DOK5: variants seen among roughly 807,000 people sequenced by gnomAD.
DOK5 encodes downstream of tyrosine kinase 5.
A neutral mutation model predicts 43.3 loss-of-function variants in DOK5; 27 were observed. The ratio of observed to expected loss-of-function variants is 0.62; its 90% CI spans 0.46 to 0.86. The LOEUF is 0.86. DOK5 is among the 40% of genes least tolerant of loss of function. DOK5 has a pLI of 0.00. For missense variants in DOK5, 373 were observed against 392.9 expected, an observed-to-expected ratio of 0.95 and a Z score of 0.43; for synonymous variants, 146 against 140.1, an observed-to-expected ratio of 1.04 and a Z score of -0.30.
chr20:54,586,387 A>G (rs1985803661), intron 2 of DOK5, among the ~76,000 whole-genome samples: 1 of 152,194 alleles, frequency 6.6e-6, no homozygotes, highest in South Asian at 2.1e-4. Flanking sequence ...TCCCTGGAGA[A>G]AAGAAGCAGG....
At position 54,643,587 on chromosome 20, in the gene DOK5, G is replaced by C. The variant is rs1261485886; in HGVS notation, c.856+9G>C. ...GCTCTACCGCTTGCAAGGTAAGCGT[G>C]GGGCTACCTGTGTCCAGGGTGTGGG... On this transcript the variant is annotated intron_variant, in intron 7 of 7. Transcript: ENST00000262593. The C allele has an allele frequency of 6.2e-7, 1 of 1,610,670 alleles. No homozygotes were observed.
intron 1 of DOK5, among the ~76,000 whole-genome samples, chr20:54,522,665 G>A (rs1203474299): frequency 3.3e-5 from 5 of 151,538 alleles, no homozygotes; most frequent in Non-Finnish European, 7.4e-5. Context: ...GATTACAGGC[G>A]TCCACTACCT....
intron 6 of DOK5, among the ~76,000 whole-genome samples, chr20:54,626,430 A>T (rs1461053256): frequency 1.3e-5 from 2 of 152,166 alleles, no homozygotes; most frequent in East Asian, 3.8e-4. Flanking sequence ...GGAGATAGGG[A>T]CTGGTTTTTG....
intron 2 of DOK5, among the ~76,000 whole-genome samples, chr20:54,578,705 TA>T (rs1410645959): frequency 6.6e-6 from 1 of 152,256 alleles, no homozygotes; most frequent in Non-Finnish European, 1.5e-5. Context: ...TTAGAAAATT[TA>T]TAATTGTGTC....
chr20:54,572,074 T>TAAAG (rs909615719), intron 2 of DOK5, among the ~76,000 whole-genome samples: 3 of 152,216 alleles, frequency 2.0e-5, no homozygotes, highest in African/African-American at 7.2e-5. Context: ...GGTGGTTTAG[T>TAAAG]AAAGAGTTGT....
intron 1 of DOK5, among the ~76,000 whole-genome samples, chr20:54,480,926 A>ATCTATCATCTATCT (rs1981646918): frequency 8.0e-6 from 1 of 124,706 alleles, no homozygotes; most frequent in African/African-American, 3.4e-5. Flanking sequence ...TCTATCTATC[A>ATCTATCATCTATCT]ATCATCTATC....
chr20:54,503,457 G>A (rs965803383), intron 1 of DOK5, among the ~76,000 whole-genome samples: 1 of 151,798 alleles, frequency 6.6e-6, no homozygotes, highest in African/African-American at 2.4e-5. Context: ...TTTTATTCTT[G>A]ATTTTTTTTA....
Position 54,591,666 on chromosome 20 carries a change from G to A in DOK5, c.460G>A (p.Glu154Lys), listed in dbSNP as rs765612921. 6.2e-6 allele frequency: 10 copies of A among 1,613,368 alleles called. No individual in the cohort carries two copies. The highest frequency in any genetic ancestry group is 3.3e-5 in the South Asian group (3 of 90,924). The change falls in exon 5 of 8, where the codon GAA becomes AAA. Residue 154 changes from glutamate to lysine, a missense_variant. Transcript: ENST00000262593. ...MPSPNLDVHGECALQITYEYI... is the reference protein window; with the variant it reads ...MPSPNLDVHGKCALQITYEYI... ...ATCTCCTAACTTAGATGTACATGGC[G>A]AATGTGCCTTGCAGATTACATATGA...
chr20:54,512,691 AAG>A lies in DOK5; in HGVS notation c.66+36681_66+36682del, dbSNP rs1179014598. 2.0e-5 allele frequency among the ~76,000 whole-genome samples: 3 copies of A among 152,212 alleles called. No individual in the cohort carries two copies. The East Asian group carries it at 5.8e-4, about 29-fold the overall frequency. ...TTATGAAAACACTTTTTGTTAAAAA[AAG>A]AAATTTGCTATGAAGGATAAACTCC... On this transcript the variant is annotated intron_variant, in intron 1 of 7. Coordinates refer to ENST00000262593, the MANE Select transcript of DOK5 (RefSeq NM_018431.5).
chr20:54,532,896 G>C (rs1983827792), intron 1 of DOK5, among the ~76,000 whole-genome samples: 1 of 152,138 alleles, frequency 6.6e-6, no homozygotes, highest in African/African-American at 2.4e-5. Flanking sequence ...ATCCTCCTGG[G>C]ACAACTGGTA....
intron 2 of DOK5, among the ~76,000 whole-genome samples, chr20:54,580,039 T>C (rs1985586712): frequency 6.6e-6 from 1 of 152,170 alleles, no homozygotes; most frequent in Admixed American, 6.5e-5. Flanking sequence ...TGTTTGGTTT[T>C]CTTTCTTGTG....
chr20:54,498,567 G>A (rs73142922), intron 1 of DOK5, among the ~76,000 whole-genome samples: 8,428 of 152,250 alleles, frequency 0.055, 306 homozygotes, highest in Non-Finnish European at 0.082. Context: ...AAATCAAGCT[G>A]ATTTGGAAAT....
intron 1 of DOK5, among the ~76,000 whole-genome samples, chr20:54,531,960 G>T (rs1983788463): frequency 6.6e-6 from 1 of 152,188 alleles, no homozygotes; most frequent in Non-Finnish European, 1.5e-5. Flanking sequence ...CATGTGTTCT[G>T]AGTGTGGATG....
intron 6 of DOK5, among the ~76,000 whole-genome samples, chr20:54,639,813 G>A (rs1979018690): frequency 6.6e-6 from 1 of 152,138 alleles, no homozygotes; most frequent in African/African-American, 2.4e-5. Flanking sequence ...CATATTTCTG[G>A]TTACAAAAAC....
At chr20:54,501,039 T>G (rs566439355) in intron 1 of DOK5, among the ~76,000 whole-genome samples, 2 of 152,286 alleles carry the variant, frequency 1.3e-5, no homozygotes, top group Non-Finnish European at 2.9e-5. Flanking sequence ...TTGACCATGT[T>G]TTAGATTGTT....
intron 1 of DOK5, among the ~76,000 whole-genome samples, chr20:54,481,148 AT>A (rs1981699463): frequency 5.3e-5 from 8 of 150,694 alleles, no homozygotes; most frequent in African/African-American, 2.0e-4. Context: ...CTATCTATCT[AT>A]CTATCTATCT....
intron 2 of DOK5, among the ~76,000 whole-genome samples, chr20:54,583,518 T>A (rs1357637431): frequency 1.3e-5 from 2 of 152,194 alleles, no homozygotes; most frequent in East Asian, 3.8e-4. Context: ...TCTCTTTCTC[T>A]CTTCAATTCT....
At chr20:54,582,870 A>G (rs1985685209) in intron 2 of DOK5, among the ~76,000 whole-genome samples, 1 of 151,668 alleles carries the variant, frequency 6.6e-6, no homozygotes, top group East Asian at 1.9e-4. Flanking sequence ...CATTTCATTT[A>G]GTTCTAATCT....
intron 2 of DOK5, 127 bp downstream of exon 2, chr20:54,555,167 C>T (rs1984667698): frequency 1.6e-6 from 1 of 640,448 alleles, no homozygotes; most frequent in South Asian, 1.9e-5. Flanking sequence ...GACAAAACAC[C>T]CCTAAAATAA....
Sources: allele counts gnomAD v4.1 joint callset (sites outside exome capture counted in the v4.1 genomes callset), GRCh38; gene constraint gnomAD v4.1.1; transcripts MANE v1.5; gene names NCBI Gene and HGNC (gene_info 2026-07-23, HGNC 2026-07-21).